The following CEP72 variants were observed in gnomAD, a reference collection of about 807,000 sequenced individuals.
CEP72 encodes the protein centrosomal protein 72, also known as centrosomal protein of 72 kDa.
Under a neutral mutation model 65.7 loss-of-function variants are expected in CEP72, and 78 were observed. The ratio of observed to expected loss-of-function variants is 1.19; its 90% CI spans 0.99 to 1.43. The LOEUF is 1.43. Among genes scored for constraint, CEP72 ranks in the 40% most tolerant of loss-of-function variants. CEP72 has a pLI of 0.00. For missense variants in CEP72, 914 were observed against 832.9 expected (o/e 1.10, Z -1.20); for synonymous variants, 358 against 351.7 (o/e 1.02, Z -0.20).
chr5:619,991 AGT>A (rs1462344502), intron 2 of CEP72, 76 bp from the exon 3 acceptor site: 2 of 1,169,246 alleles, frequency 1.7e-6, no homozygotes, highest in African/African-American at 3.0e-5. Context: ...TTGGTTGGTC[AGT>A]GTGTGTTGCT....
intron 1 of CEP72, among the ~76,000 whole-genome samples, chr5:612,914 C>T (rs1354166238): frequency 6.6e-6 from 1 of 152,236 alleles, no homozygotes; most frequent in African/African-American, 2.4e-5. Context: ...TCATAAACTG[C>T]TGAGAAGTGT....
At position 629,945 on chromosome 5, in the gene CEP72, G is replaced by GT. The variant is rs759331060; in HGVS notation, c.513-3823dup. ...CGGGATTTGACCCAGTCCTGGTGGGGTGCTGTCCAGTGCCGGGATTTAGAC... is the reference window on the plus strand; with the variant it reads ...CGGGATTTGACCCAGTCCTGGTGGGGTTGCTGTCCAGTGCCGGGATTTAGAC... On this transcript the variant is annotated intron_variant, in intron 4 of 11. Transcript: ENST00000264935. 1.7e-3 allele frequency among the ~76,000 whole-genome samples: 69 copies of GT among 40,390 alleles called. 1 individual carries two copies. Among genetic ancestry groups the GT allele is most frequent in the East Asian group, 4.3e-3 (4 of 930 alleles). The allele number at this position is 40,390 out of a possible 152,430, so 26.5% of individuals were successfully genotyped here.
chr5:644,116 G>A, intron 9 of CEP72, 183 bp from the exon 10 acceptor site: 1 of 631,520 alleles, frequency 1.6e-6, no homozygotes, highest in Non-Finnish European at 2.7e-6. Context: ...GGGTGCTGCA[G>A]GGCTGGGCAG....
Position 619,028 on chromosome 5 carries a change from G to C in CEP72, c.121G>C (p.Glu41Gln). 1 of 1,612,848 alleles carries C rather than the reference G, an allele frequency of 6.2e-7. No homozygotes were observed. The highest frequency in any genetic ancestry group is 1.3e-5 in the African/African-American group (1 of 74,990). ...QSLSIPGTYQ[E>Q]KITHLGHSLM... is the part of the protein sequence containing the mutation. ...ATTGTCTATTCCTGGAACTTACCAAGAGAAGATCACCCACCTGGGACATTC... is the reference window on the plus strand; with the variant it reads ...ATTGTCTATTCCTGGAACTTACCAACAGAAGATCACCCACCTGGGACATTC... Residue 41 changes from glutamate (E) to glutamine (Q), a missense_variant, in exon 2 of 12, where the codon GAG becomes CAG. By Grantham distance (29) the Glu-to-Gln change is conservative (BLOSUM62 2). Coordinates refer to ENST00000264935, the MANE Select transcript of CEP72 (RefSeq NM_018140.4).
At chr5:647,288 C>T (rs1319655490) in intron 10 of CEP72, among the ~76,000 whole-genome samples, 1 of 152,250 alleles carries the variant, frequency 6.6e-6, no homozygotes, top group Admixed American at 6.5e-5. Context: ...TAGTATCTCT[C>T]TTCTCCTCTT....
chr5:640,479 G>A lies in CEP72; in HGVS notation c.1414G>A (p.Glu472Lys). The A allele has an allele frequency of 1.2e-6, 2 of 1,614,246 alleles. No homozygotes were observed. Among genetic ancestry groups the A allele is most frequent in the African/African-American group, 1.3e-5 (1 of 75,076 alleles). Residue 472 changes from glutamate to lysine, a missense_variant, in exon 9 of 12, where the codon GAA (glutamate) becomes AAA (lysine). Coordinates refer to ENST00000264935, the MANE Select transcript of CEP72 (RefSeq NM_018140.4). ...TCAGGACAGCTCTGCGATGGTGGGT[G>A]AAGATGTCGGCTCCCTGGCTCTGGA... Reference protein sequence around the residue: ...AAQDSSAMVGEDVGSLALESK... With the variant: ...AAQDSSAMVGKDVGSLALESK...
intron 4 of CEP72, among the ~76,000 whole-genome samples, chr5:633,548 T>G (rs1402685521): frequency 6.6e-6 from 1 of 152,256 alleles, no homozygotes; most frequent in Non-Finnish European, 1.5e-5. Context: ...AGTGCCGGGA[T>G]GCTGTCATGT....
the CEP72 span, among the ~76,000 whole-genome samples, chr5:673,344 C>A: frequency 6.6e-6 from 1 of 152,078 alleles, no homozygotes; most frequent in African/African-American, 2.4e-5. Flanking sequence ...TCACAGGGAC[C>A]CCCCGAGGGG....
intron 9 of CEP72, chr5:643,028 TC>T: frequency 1.0e-6 from 1 of 985,430 alleles, no homozygotes; most frequent in Non-Finnish European, 1.2e-6. Flanking sequence ...GGTCCTCTGT[TC>T]CCTGCACCTG....
intron 6 of CEP72, among the ~76,000 whole-genome samples, chr5:636,598 G>T (rs939610491): frequency 6.6e-6 from 1 of 152,146 alleles, no homozygotes; most frequent in African/African-American, 2.4e-5. Context: ...ATCATTTGAG[G>T]TCAGGAGTTT....
chr5:656,662 C>T (rs971647735), downstream of CEP72, among the ~76,000 whole-genome samples: 2 of 152,192 alleles, frequency 1.3e-5, no homozygotes, highest in African/African-American at 4.8e-5. Context: ...TTGCCTGTAG[C>T]TGTTTCCTCA....
chr5:628,746 A>T (rs111336913), intron 4 of CEP72, among the ~76,000 whole-genome samples: 2,414 of 74,220 alleles, frequency 0.033, 76 homozygotes, highest in African/African-American at 0.18. Context: ...TGGAGAACTC[A>T]GGTTGCAGTC....
chr5:633,786 C>G lies in CEP72; in HGVS notation c.530C>G (p.Ala177Gly). ...CCTTACAGACCACACCACCCCAGAGCCAAGTGCACCGAGGCCTTGGCCAAG... is the reference window on the plus strand; with the variant it reads ...CCTTACAGACCACACCACCCCAGAGGCAAGTGCACCGAGGCCTTGGCCAAG... ...LKEGRPHHPR[A>G]KCTEALAKQS... Residue 177 changes from alanine to glycine, a missense_variant, in exon 5 of 12, where the codon GCC becomes GGC. Transcript: ENST00000264935. The G allele has an allele frequency of 1.2e-6, 2 of 1,614,082 alleles. No individual in the cohort carries two copies. Among genetic ancestry groups the G allele is most frequent in the Non-Finnish European group, 1.7e-6 (2 of 1,180,034 alleles).
At chr5:675,214 G>A in the CEP72 span, among the ~76,000 whole-genome samples, 15 of 121,928 alleles carry the variant, frequency 1.2e-4, no homozygotes, top group East Asian at 2.5e-4. Flanking sequence ...CAGTGTAGCC[G>A]GGGGTGCAGT....
At chr5:625,505 T>C (rs1308375106) in intron 4 of CEP72, among the ~76,000 whole-genome samples, 2 of 152,238 alleles carry the variant, frequency 1.3e-5, no homozygotes, top group Non-Finnish European at 2.9e-5. Flanking sequence ...GAAGCCAGGA[T>C]GGTGTGCCCG....
intron 3 of CEP72, among the ~76,000 whole-genome samples, chr5:665,616 A>G (rs955599096): frequency 3.1e-5 from 1 of 32,418 alleles, no homozygotes; most frequent in Non-Finnish European, 6.8e-5. Flanking sequence ...ATGCCCCCCC[A>G]ATCCATGCCC....
downstream of CEP72, among the ~76,000 whole-genome samples, chr5:658,443 A>G (rs576376087): frequency 6.6e-6 from 1 of 152,062 alleles, no homozygotes; most frequent in Non-Finnish European, 1.5e-5. Flanking sequence ...GACTCAGCCC[A>G]TTCTTGGCCA....
At chr5:617,483 C>G (rs1231652929) in intron 1 of CEP72, among the ~76,000 whole-genome samples, 1 of 152,174 alleles carries the variant, frequency 6.6e-6, no homozygotes, top group African/African-American at 2.4e-5. Flanking sequence ...GCCTGGCCAA[C>G]ATGGTCAGGA....
intron 7 of CEP72, 120 bp from the exon 8 acceptor site, chr5:638,969 T>C: frequency 7.5e-7 from 1 of 1,330,460 alleles, no homozygotes; most frequent in South Asian, 1.3e-5. Context: ...GGCTGGGGCC[T>C]CAGGGCACCT....
Sources: gnomAD v4.1 joint callset for allele counts (sites outside exome capture counted in the v4.1 genomes callset) on GRCh38, gnomAD v4.1.1 for gene constraint, MANE v1.5 for transcripts, NCBI Gene and HGNC (gene_info 2026-07-23, HGNC 2026-07-21) for gene names.